The following SLC4A10 variants were observed in gnomAD, a reference collection of about 807,000 sequenced individuals.
SLC4A10 encodes the protein sodium-driven chloride bicarbonate exchanger.
A neutral mutation model predicts 137.7 loss-of-function variants in SLC4A10; 42 were observed. That is an observed-to-expected ratio of 0.30 (90% confidence interval 0.24 to 0.39). The LOEUF (loss-of-function observed/expected upper bound fraction) is 0.39, where lower values mean the gene tolerates loss of function less well. Ranked by LOEUF, SLC4A10 falls within the 10% of genes least tolerant of loss-of-function variation. The pLI is 1.00. For synonymous variants in SLC4A10, 474 were observed against 464.1 expected, an observed-to-expected ratio of 1.02 and a Z score of -0.27; for missense variants, 925 against 1,355.0, an observed-to-expected ratio of 0.68 and a Z score of 4.98.
intron 1 of SLC4A10, among the ~76,000 whole-genome samples, chr2:161,673,782 G>T (rs886839205): frequency 6.6e-6 from 1 of 152,162 alleles, no homozygotes; most frequent in Non-Finnish European, 1.5e-5. Context: ...TTGAGGTCAG[G>T]AGTTCAAGAC....
Position 161,830,161 on chromosome 2 carries a change from CAAA to C in SLC4A10, c.278-9614_278-9612del, listed in dbSNP as rs201494187. 7.0e-3 allele frequency among the ~76,000 whole-genome samples: 725 copies of C among 103,740 alleles called. 4 individuals carry two copies. Among genetic ancestry groups the C allele is most frequent in the Non-Finnish European group, 0.011 (492 of 46,434 alleles). The allele number at this position is 103,740 out of a possible 152,430, so 68.1% of individuals were successfully genotyped here. A position where few individuals can be genotyped will look rare whatever the true frequency, so the allele number is the denominator to read the frequency against. On this transcript the variant is annotated intron_variant, in intron 3 of 26. Transcript: ENST00000446997. The stretch of plus-strand genomic sequence containing the variant: ...GGAATGCATATTGTAGGAACTAAAG[CAAA>C]AAAAAAAAAAAAATAACAACAACCA...
At chr2:161,723,857 A>G (rs933241437) in intron 1 of SLC4A10, among the ~76,000 whole-genome samples, 2 of 152,196 alleles carry the variant, frequency 1.3e-5, no homozygotes, top group African/African-American at 4.8e-5. Flanking sequence ...GATGACTTCC[A>G]TATCTATAGC....
chr2:161,759,913 T>C (rs905564029), intron 1 of SLC4A10, among the ~76,000 whole-genome samples: 8 of 152,016 alleles, frequency 5.3e-5, no homozygotes, highest in Non-Finnish European at 8.8e-5. Flanking sequence ...ACAAAAATTT[T>C]TCCTAGAGTA....
chr2:161,882,165 G>A (rs1392820240), intron 9 of SLC4A10, among the ~76,000 whole-genome samples, 192 bp from the exon 10 acceptor site: 1 of 150,858 alleles, frequency 6.6e-6, no homozygotes, highest in Non-Finnish European at 1.5e-5. Context: ...CATTCCCATT[G>A]CTTGAGGATC....
intron 3 of SLC4A10, among the ~76,000 whole-genome samples, chr2:161,828,278 T>C (rs1282870082): frequency 6.6e-6 from 1 of 152,194 alleles, no homozygotes; most frequent in African/African-American, 2.4e-5. Flanking sequence ...ACAGTATTCA[T>C]GACTCACTTG....
At chr2:161,774,594 T>C (rs903145558) in intron 2 of SLC4A10, among the ~76,000 whole-genome samples, 2 of 151,772 alleles carry the variant, frequency 1.3e-5, no homozygotes, top group Non-Finnish European at 2.9e-5. Flanking sequence ...CTGCCTCCCC[T>C]GTGGTTTTAC....
Position 161,947,588 on chromosome 2 carries a change from A to G in SLC4A10, c.2126A>G (p.Glu709Gly). The G allele has an allele frequency of 6.2e-7, 1 of 1,612,298 alleles. No homozygotes were observed. The highest frequency in any genetic ancestry group is 8.5e-7 in the Non-Finnish European group (1 of 1,179,110). The change falls in exon 17 of 27, where the codon GAG becomes GGG. Residue 709 changes from glutamate to glycine, a missense_variant. Physicochemically the swap from Glu to Gly is moderately conservative, Grantham distance 98 (BLOSUM62 -2). Coordinates refer to ENST00000446997, the MANE Select transcript of SLC4A10 (RefSeq NM_001178015.2). ...CAGGAATGCAAATCATTGCATGGAG[A>G]GTATGTTGGACGGGCCTGTGGCCAT... The part of the protein sequence containing the change: ...TVSECKSLHG[E>G]YVGRACGHDH...
chr2:161,932,961 A>G (rs1292638053), intron 15 of SLC4A10, among the ~76,000 whole-genome samples: 1 of 151,802 alleles, frequency 6.6e-6, no homozygotes, highest in Non-Finnish European at 1.5e-5. Flanking sequence ...CATATAAGTG[A>G]GATCACAAGG....
chr2:161,664,977 A>G (rs187997937), intron 1 of SLC4A10, among the ~76,000 whole-genome samples: 1 of 151,968 alleles, frequency 6.6e-6, no homozygotes, highest in East Asian at 1.9e-4. Flanking sequence ...ATGTGCTACA[A>G]TTAAAATTTG....
At chr2:161,964,980 C>A in intron 22 of SLC4A10, 71 bp from the exon 23 acceptor site, 1 of 1,434,104 alleles carries the variant, frequency 7.0e-7, no homozygotes, top group Non-Finnish European at 9.5e-7. Flanking sequence ...CTACCAAAAA[C>A]CATACAGGCA....
At chr2:161,818,274 C>T (rs1337626341) in intron 3 of SLC4A10, among the ~76,000 whole-genome samples, 4 of 152,112 alleles carry the variant, frequency 2.6e-5, no homozygotes, top group Non-Finnish European at 5.9e-5. Context: ...TGATTTGGCT[C>T]TCTGTTTGTC....
intron 26 of SLC4A10, 145 bp downstream of exon 26, chr2:161,977,905 C>A: frequency 3.4e-6 from 2 of 589,740 alleles, no homozygotes; most frequent in Non-Finnish European, 5.7e-6. Context: ...GATCCAGTAG[C>A]AGACTGAGTT....
At chr2:161,867,249 T>C (rs1386625486) in intron 6 of SLC4A10, among the ~76,000 whole-genome samples, 1 of 151,996 alleles carries the variant, frequency 6.6e-6, no homozygotes, top group African/African-American at 2.4e-5. Flanking sequence ...TTACAAATGC[T>C]GTACTTTTAA....
At chr2:161,859,625 G>A (rs1448956413) in intron 5 of SLC4A10, among the ~76,000 whole-genome samples, 1 of 111,566 alleles carries the variant, frequency 9.0e-6, no homozygotes, top group Admixed American at 1.1e-4. Flanking sequence ...TTTTGAGGCG[G>A]AGTCTTGCTT....
chr2:161,817,286 A>G (rs776297062), intron 3 of SLC4A10, among the ~76,000 whole-genome samples: 4 of 152,104 alleles, frequency 2.6e-5, no homozygotes, highest in Admixed American at 2.0e-4. Flanking sequence ...TTCTTTTGAG[A>G]AGTGTCTGTT....
chr2:161,787,483 AT>A (rs1482778019), intron 2 of SLC4A10, among the ~76,000 whole-genome samples: 1 of 151,998 alleles, frequency 6.6e-6, no homozygotes, highest in East Asian at 1.9e-4. Flanking sequence ...GATCAGGGAA[AT>A]TTTTCTGAAT....
chr2:161,689,818 G>A (rs1356195309), intron 1 of SLC4A10, among the ~76,000 whole-genome samples: 2 of 152,084 alleles, frequency 1.3e-5, no homozygotes, highest in Admixed American at 6.6e-5. Context: ...AAATCATGAA[G>A]CAAAACAAAT....
chr2:161,660,643 T>A (rs1315519626), intron 1 of SLC4A10, among the ~76,000 whole-genome samples: 1 of 143,866 alleles, frequency 7.0e-6, no homozygotes, highest in African/African-American at 2.6e-5. Flanking sequence ...CTTCTTTCCT[T>A]CTTTCTTTCT....
intron 2 of SLC4A10, among the ~76,000 whole-genome samples, chr2:161,785,746 A>G (rs1181162937): frequency 2.6e-5 from 4 of 151,964 alleles, no homozygotes; most frequent in Non-Finnish European, 5.9e-5. Context: ...CTCAATGATG[A>G]AAAGTTGAAA....
Sources: gnomAD v4.1 joint callset for allele counts (sites outside exome capture counted in the v4.1 genomes callset) on GRCh38, gnomAD v4.1.1 for gene constraint, MANE v1.5 for transcripts, NCBI Gene and HGNC (gene_info 2026-07-23, HGNC 2026-07-21) for gene names.